The following CCDC191 variants were observed in gnomAD, a reference collection of about 807,000 sequenced individuals.
CCDC191 encodes the protein coiled-coil domain containing 191.
A neutral mutation model predicts 114.0 loss-of-function variants in CCDC191; 99 were observed. The ratio of observed to expected loss-of-function variants is 0.87; its 90% CI spans 0.74 to 1.03. The LOEUF is 1.03. Ranked by LOEUF, CCDC191 falls within the 50% of genes least tolerant of loss-of-function variation. CCDC191 has a pLI of 0.00. For missense variants in CCDC191, 973 were observed against 1,087.0 expected (o/e 0.90, Z 1.47); for synonymous variants, 351 against 376.0 (o/e 0.93, Z 0.77).
intron 11 of CCDC191, chr3:114,003,194 G>T: frequency 2.0e-6 from 2 of 985,398 alleles, no homozygotes; most frequent in Non-Finnish European, 1.2e-6. Flanking sequence ...AAACAAATGT[G>T]CAAGATGGTC....
intron 7 of CCDC191, among the ~76,000 whole-genome samples, chr3:114,020,132 C>T (rs1018982644): frequency 1.4e-4 from 22 of 152,250 alleles, no homozygotes; most frequent in Admixed American, 1.2e-3. Flanking sequence ...ATATTTACTG[C>T]TTCTTTCTCT....
intron 12 of CCDC191, 88 bp downstream of exon 12, chr3:114,002,368 G>A (rs2075870871): frequency 5.6e-6 from 5 of 892,488 alleles, no homozygotes; most frequent in Non-Finnish European, 8.5e-6. Flanking sequence ...ATTGTCTCAG[G>A]AGTTCTGAAA....
chr3:114,018,249 A>C (rs1187787788), intron 8 of CCDC191, among the ~76,000 whole-genome samples: 1 of 152,238 alleles, frequency 6.6e-6, no homozygotes, highest in Non-Finnish European at 1.5e-5. Context: ...CCAGGGTACA[A>C]TGCTACTACA....
intron 8 of CCDC191, among the ~76,000 whole-genome samples, chr3:114,013,321 A>C (rs2076104958): frequency 6.6e-6 from 1 of 152,202 alleles, no homozygotes; most frequent in African/African-American, 2.4e-5. Flanking sequence ...TTGAGGCAGA[A>C]AGGCAGAAGC....
intron 7 of CCDC191, among the ~76,000 whole-genome samples, chr3:114,022,327 A>G (rs963595276): frequency 3.3e-5 from 5 of 152,176 alleles, no homozygotes; most frequent in Admixed American, 6.6e-5. Context: ...GCAATTTGCT[A>G]TCTAATCTTC....
chr3:114,028,485 C>G (rs1291546396), intron 7 of CCDC191, among the ~76,000 whole-genome samples: 1 of 151,832 alleles, frequency 6.6e-6, no homozygotes, highest in Non-Finnish European at 1.5e-5. Flanking sequence ...TGGGGTTTCA[C>G]CGTGTTAGCC....
chr3:113,999,327 G>A (rs1559895263), intron 13 of CCDC191, among the ~76,000 whole-genome samples: 1 of 152,118 alleles, frequency 6.6e-6, no homozygotes, highest in Admixed American at 6.5e-5. Context: ...CTGCTACCTG[G>A]CCACTTTCGG....
chr3:114,024,209 G>A (rs2076285571), intron 7 of CCDC191, among the ~76,000 whole-genome samples: 1 of 152,188 alleles, frequency 6.6e-6, no homozygotes, highest in African/African-American at 2.4e-5. Flanking sequence ...AACAGGTGCT[G>A]GAGAGGATGT....
chr3:113,978,168 T>G lies in CCDC191; in HGVS notation c.2606+18A>C. The G allele has an allele frequency of 6.2e-7, 1 of 1,613,576 alleles. No homozygotes were observed. The highest frequency in any genetic ancestry group is 8.5e-7 in the Non-Finnish European group (1 of 1,179,644). ...TGTGAAGTCAGAGAGTGAATTTTCC[T>G]CACTATCAAAACCTCACCTGTCACT... On this transcript the variant is annotated intron_variant, in intron 16 of 16. Coordinates refer to ENST00000295878, the MANE Select transcript of CCDC191 (RefSeq NM_020817.2).
At chr3:114,009,526 A>T (rs974176212) in intron 9 of CCDC191, among the ~76,000 whole-genome samples, 2 of 152,196 alleles carry the variant, frequency 1.3e-5, no homozygotes, top group Non-Finnish European at 2.9e-5. Context: ...CAGGGTCAAG[A>T]TCATCAAGAA....
intron 9 of CCDC191, among the ~76,000 whole-genome samples, chr3:114,009,459 A>T (rs1004794499): frequency 6.6e-6 from 1 of 152,246 alleles, no homozygotes; most frequent in African/African-American, 2.4e-5. Context: ...AAAAAATTTT[A>T]AAACACATTT....
chr3:113,977,910 G>A (rs1346160313), intron 16 of CCDC191, among the ~76,000 whole-genome samples: 3 of 152,208 alleles, frequency 2.0e-5, no homozygotes, highest in Non-Finnish European at 4.4e-5. Context: ...GCTTAGGTGT[G>A]TTTCATATAG....
intron 16 of CCDC191, among the ~76,000 whole-genome samples, chr3:113,976,812 G>A (rs367963748): frequency 1.2e-4 from 18 of 152,102 alleles, no homozygotes; most frequent in East Asian, 1.2e-3. Context: ...ATTTGTTCAG[G>A]GTCACATAGA....
Position 114,012,222 on chromosome 3 carries a change from CGT to C in CCDC191, c.1164-1203_1164-1202del, listed in dbSNP as rs35908762. Among the ~76,000 whole-genome samples the C allele has an allele frequency of 3.3e-3, 495 of 150,578 alleles. 1 individual carries two copies. The highest frequency in any genetic ancestry group is 8.8e-3 in the African/African-American group (363 of 41,032). On this transcript the variant is annotated intron_variant, in intron 8 of 16. Coordinates refer to ENST00000295878, the MANE Select transcript of CCDC191 (RefSeq NM_020817.2). ...AAATGTCACATTGTGACTCAATATA[CGT>C]GTGTGTGTGTGTGTGTGTAAAAGTT...
rs1460342353 is a variant in CCDC191, at chr3:113,999,896, A to AC, written c.2163+1698dup. 2.0e-5 allele frequency among the ~76,000 whole-genome samples: 3 copies of AC among 152,322 alleles called. No individual in the cohort carries two copies. In the East Asian group the frequency reaches 5.8e-4, roughly 29 times the overall value. Reference sequence around the variant, plus strand: ...TATGGGATATCATGGAGAAGAGTAAACATCACACAAGGACTTTACCTCCTC... The same window carrying AC: ...TATGGGATATCATGGAGAAGAGTAAACCATCACACAAGGACTTTACCTCCTC... On this transcript the variant is annotated intron_variant, in intron 13 of 16. Transcript: ENST00000295878.
chr3:113,998,921 G>T (rs2075794487), intron 13 of CCDC191, among the ~76,000 whole-genome samples: 2 of 152,094 alleles, frequency 1.3e-5, no homozygotes, highest in African/African-American at 4.8e-5. Context: ...TATAGCAATG[G>T]GCCCATGCTC....
At chr3:114,015,385 G>C (rs778739210) in intron 8 of CCDC191, among the ~76,000 whole-genome samples, 5 of 152,124 alleles carry the variant, frequency 3.3e-5, no homozygotes, top group Non-Finnish European at 1.5e-5. Context: ...AGGAAGGACT[G>C]GCAGAAGATT....
intron 2 of CCDC191, among the ~76,000 whole-genome samples, chr3:114,050,519 A>C (rs147881268): frequency 1.3e-5 from 2 of 152,250 alleles, no homozygotes; most frequent in African/African-American, 4.8e-5. Context: ...GGTAAGGGGG[A>C]TTTGTCCACT....
intron 4 of CCDC191, among the ~76,000 whole-genome samples, chr3:114,039,639 T>C (rs1304491432): frequency 1.3e-5 from 2 of 151,958 alleles, no homozygotes; most frequent in African/African-American, 4.8e-5. Flanking sequence ...TGAGACAAGA[T>C]GTGGAGAAGA....
Sources: allele counts gnomAD v4.1 joint callset (sites outside exome capture counted in the v4.1 genomes callset), GRCh38; gene constraint gnomAD v4.1.1; transcripts MANE v1.5; gene names NCBI Gene and HGNC (gene_info 2026-07-23, HGNC 2026-07-21).